CASD1: variants seen among roughly 807,000 people sequenced by gnomAD.
CASD1 encodes the protein CAS1 domain sialic acid O acetyltransferase 1.
In CASD1, 41 loss-of-function variants were observed where a neutral mutation model predicts 100.0. The observed-to-expected ratio is 0.41, with a 90% CI of 0.32 to 0.53. The LOEUF is 0.53. Among genes scored for constraint, CASD1 ranks in the 20% least tolerant of loss-of-function variants. The pLI, the probability that CASD1 is intolerant of heterozygous loss-of-function variation, is 0.25. For synonymous variants in CASD1, 321 were observed against 315.6 expected (o/e 1.02, Z -0.18); for missense variants, 774 against 948.7 (o/e 0.82, Z 2.42).
chr7:94,566,706 CT>C, the CASD1 span, among the ~76,000 whole-genome samples: 3 of 152,116 alleles, frequency 2.0e-5, no homozygotes, highest in African/African-American at 7.2e-5. Context: ...TTTTCTCTCT[CT>C]TTTTTTCAAA....
chr7:94,625,004 A>G, the CASD1 span: 1 of 152,040 alleles, frequency 6.6e-6, no homozygotes, highest in East Asian at 1.9e-4. Context: ...TCCTTCTATC[A>G]CTTCCAATGA....
the CASD1 span, chr7:94,620,606 T>C: frequency 1.3e-5 from 2 of 152,240 alleles, no homozygotes; most frequent in African/African-American, 4.8e-5. Context: ...AATACAGCTT[T>C]TGAATATGCC....
chr7:94,522,912 C>T (rs1020353051), intron 3 of CASD1, among the ~76,000 whole-genome samples: 25 of 152,302 alleles, frequency 1.6e-4, no homozygotes, highest in Admixed American at 1.2e-3. Context: ...CCACCCACCT[C>T]GGCCTCCCAA....
At chr7:94,546,956 G>A (rs1795710150) in intron 12 of CASD1, 140 bp from the exon 13 acceptor site, 1 of 498,166 alleles carries the variant, frequency 2.0e-6, no homozygotes, top group Non-Finnish European at 3.4e-6. Context: ...ATACTAACTG[G>A]ATATATTTTG....
the CASD1 span, among the ~76,000 whole-genome samples, chr7:94,605,800 G>T: frequency 6.6e-6 from 1 of 152,018 alleles, no homozygotes; most frequent in East Asian, 1.9e-4. Flanking sequence ...ACAGAAAACA[G>T]TAACAAATAT....
chr7:94,549,457 T>A (rs955531350), intron 13 of CASD1, 76 bp from the exon 14 acceptor site: 23 of 1,016,810 alleles, frequency 2.3e-5, no homozygotes, highest in Non-Finnish European at 3.2e-5. Flanking sequence ...TTCAGAAAAC[T>A]ATAATCTGTA....
At chr7:94,586,875 G>A in the CASD1 span, 1 of 984,944 alleles carries the variant, frequency 1.0e-6, no homozygotes, top group Non-Finnish European at 1.2e-6. Flanking sequence ...ATGCTAGGGT[G>A]GTCTCTCTCC....
Position 94,509,916 on chromosome 7 carries a change from C to A in CASD1, c.-169C>A. 8.9e-7 allele frequency: 1 copy of A among 1,128,938 alleles called. No individual in the cohort carries two copies. Among genetic ancestry groups the A allele is most frequent in the South Asian group, 4.4e-5 (1 of 22,642 alleles). The allele number at this position is 1,128,938 out of a possible 1,614,324, so 69.9% of individuals were successfully genotyped here. On this transcript the variant is annotated 5_prime_UTR_variant, in exon 1 of 18. Transcript: ENST00000297273. ...CGGCCGAGGAGGGGCAGGCGGAGGTCGGGGGCGCCGCGGCCGCGGGGTCAG... is the reference window on the plus strand; with the variant it reads ...CGGCCGAGGAGGGGCAGGCGGAGGTAGGGGGCGCCGCGGCCGCGGGGTCAG...
chr7:94,628,579 AG>A, the CASD1 span: 1 of 530,728 alleles, frequency 1.9e-6, no homozygotes, highest in African/African-American at 1.9e-5. Context: ...CAACAAAGAA[AG>A]CAGATTCATA....
the CASD1 span, among the ~76,000 whole-genome samples, chr7:94,596,647 T>C: frequency 1.3e-5 from 2 of 152,140 alleles, no homozygotes; most frequent in African/African-American, 2.4e-5. Flanking sequence ...AGGTATATGC[T>C]TGGATAATGC....
At chr7:94,595,575 C>A in the CASD1 span, among the ~76,000 whole-genome samples, 1 of 152,142 alleles carries the variant, frequency 6.6e-6, no homozygotes, top group Non-Finnish European at 1.5e-5. Context: ...TTATTGAGTA[C>A]TGTAATGCCT....
At chr7:94,510,293 G>T (rs1229447163) in intron 1 of CASD1, 76 bp downstream of exon 1, 20 of 1,137,688 alleles carry the variant, frequency 1.8e-5, no homozygotes, top group African/African-American at 8.3e-5. Context: ...CGCCCCCATC[G>T]CCCAACACAC....
the CASD1 span, chr7:94,626,476 C>T: frequency 2.6e-5 from 4 of 152,070 alleles, no homozygotes; most frequent in African/African-American, 7.2e-5. Context: ...CCTAGTACCT[C>T]AACATTTTTG....
downstream of CASD1, among the ~76,000 whole-genome samples, chr7:94,561,484 G>A (rs1488624922): frequency 1.3e-5 from 2 of 151,948 alleles, no homozygotes; most frequent in South Asian, 2.1e-4. Flanking sequence ...TTTTTTAATG[G>A]CCACTGTTAT....
chr7:94,583,964 G>T, the CASD1 span, among the ~76,000 whole-genome samples: 1 of 152,130 alleles, frequency 6.6e-6, no homozygotes, highest in Non-Finnish European at 1.5e-5. Context: ...AAAATGTTAA[G>T]TCAGAAACAA....
At chr7:94,559,276 C>CTGTGTG (rs377655712), downstream of CASD1, among the ~76,000 whole-genome samples, 4,820 of 137,502 alleles carry the variant, frequency 0.035, 209 homozygotes, top group African/African-American at 0.097. Flanking sequence ...GTATATATGT[C>CTGTGTG]TGTGTGTGTG....
the CASD1 span, chr7:94,587,001 GAA>G: frequency 1.0e-6 from 1 of 983,968 alleles, no homozygotes; most frequent in Non-Finnish European, 1.2e-6. Context: ...AAAAATGTAA[GAA>G]AACAAGAAGG....
the CASD1 span, among the ~76,000 whole-genome samples, chr7:94,566,891 C>G: frequency 6.6e-6 from 1 of 152,092 alleles, no homozygotes; most frequent in Non-Finnish European, 1.5e-5. Context: ...AACTACCCCT[C>G]GGCTCATCAT....
At chr7:94,548,557 T>G (rs1313467771) in intron 13 of CASD1, among the ~76,000 whole-genome samples, 1 of 151,864 alleles carries the variant, frequency 6.6e-6, no homozygotes, top group African/African-American at 2.4e-5. Flanking sequence ...TAACCTATTT[T>G]TAATATGCTA....
Sources: allele counts gnomAD v4.1 joint callset (sites outside exome capture counted in the v4.1 genomes callset), GRCh38; gene constraint gnomAD v4.1.1; transcripts MANE v1.5; gene names NCBI Gene and HGNC (gene_info 2026-07-23, HGNC 2026-07-21).